PYM1: variants seen among roughly 807,000 people sequenced by gnomAD.
PYM1 encodes the protein PYM1 exon junction complex associated factor.
A neutral mutation model predicts 20.7 loss-of-function variants in PYM1; 7 were observed. The ratio of observed to expected loss-of-function variants is 0.34; its 90% CI spans 0.19 to 0.64. The LOEUF is 0.64. Ranked by LOEUF, PYM1 falls within the 30% of genes least tolerant of loss-of-function variation. The probability of loss-of-function intolerance (pLI) is 0.74; values close to 1 mark genes in which losing one functional copy is unlikely to be tolerated. For missense variants in PYM1, 194 were observed against 250.0 expected, an observed-to-expected ratio of 0.78 and a Z score of 1.51; for synonymous variants, 100 against 99.2, an observed-to-expected ratio of 1.01 and a Z score of -0.05.
intron 1 of PYM1, among the ~76,000 whole-genome samples, chr12:55,915,967 C>T (rs1285535664): frequency 6.6e-6 from 1 of 152,170 alleles, no homozygotes; most frequent in East Asian, 1.9e-4. Flanking sequence ...ACTTTGTATA[C>T]ATCATCCTGT....
At chr12:55,912,566 A>G (rs1424402494) in intron 1 of PYM1, among the ~76,000 whole-genome samples, 1 of 151,984 alleles carries the variant, frequency 6.6e-6, no homozygotes, top group African/African-American at 2.4e-5. Flanking sequence ...CCTGGGCAAC[A>G]GGAGCAAAAC....
rs911849102 is a variant in PYM1, at chr12:55,914,825, C to T, written c.38-11345G>A. 2.6e-5 allele frequency among the ~76,000 whole-genome samples: 4 copies of T among 152,044 alleles called. No individual in the cohort carries two copies. In the East Asian group the frequency reaches 7.7e-4, roughly 29 times the overall value. ...AAATAATGATCATAATCATTTCCCT[C>T]AAGGAAGAAAAGGTGACAGCAACAA... On this transcript the variant is annotated intron_variant, in intron 1 of 2. Coordinates refer to ENST00000408946, the MANE Select transcript of PYM1 (RefSeq NM_032345.3).
chr12:55,912,473 A>C (rs1882940570), intron 1 of PYM1, among the ~76,000 whole-genome samples: 1 of 152,158 alleles, frequency 6.6e-6, no homozygotes, highest in South Asian at 2.1e-4. Flanking sequence ...AATCCCAGCT[A>C]CTTGGGAGGC....
chr12:55,926,694 G>C (rs1417979537), intron 1 of PYM1, among the ~76,000 whole-genome samples: 1 of 152,142 alleles, frequency 6.6e-6, no homozygotes, highest in Non-Finnish European at 1.5e-5. Context: ...CAGAAACCAA[G>C]TATAGCTGAG....
intron 1 of PYM1, among the ~76,000 whole-genome samples, chr12:55,903,689 C>A (rs1422628621): frequency 1.3e-5 from 2 of 151,924 alleles, no homozygotes; most frequent in African/African-American, 4.8e-5. Context: ...CATCCTTGCC[C>A]TCAAGAAGAT....
intron 1 of PYM1, chr12:55,926,980 G>A: frequency 7.6e-7 from 1 of 1,314,146 alleles, no homozygotes; most frequent in Non-Finnish European, 1.0e-6. Context: ...GGGCAAAGGA[G>A]GGGCCCCGGG....
At chr12:55,923,942 G>A (rs986997168) in intron 1 of PYM1, among the ~76,000 whole-genome samples, 1 of 152,082 alleles carries the variant, frequency 6.6e-6, no homozygotes, top group South Asian at 2.1e-4. Context: ...CAAGCGTGGT[G>A]ACATGTGCCT....
At chr12:55,907,635 A>G (rs1359220562) in intron 1 of PYM1, among the ~76,000 whole-genome samples, 5 of 5,046 alleles carry the variant, frequency 9.9e-4, no homozygotes, top group Non-Finnish European at 1.3e-3. Context: ...TTCGTCTGGG[A>G]AAAAAAAAAA....
intron 1 of PYM1, among the ~76,000 whole-genome samples, chr12:55,924,904 T>C (rs1364810373): frequency 6.6e-6 from 1 of 152,212 alleles, no homozygotes; most frequent in African/African-American, 2.4e-5. Context: ...AGGCTGGTCT[T>C]GAACCCCTGA....
chr12:55,914,770 G>A lies in PYM1; in HGVS notation c.38-11290C>T, dbSNP rs953736756. Among the ~76,000 whole-genome samples the A allele has an allele frequency of 9.2e-5, 14 of 152,222 alleles. No individual in the cohort carries two copies. In the Middle Eastern group the frequency reaches 0.014, roughly 148 times the overall value. ...TCCAACACAGAGAAAATATAACAAA[G>A]AGAAGATGAGAGCTGGAGGAATGAC... On this transcript the variant is annotated intron_variant, in intron 1 of 2. Transcript: ENST00000408946.
chr12:55,914,082 T>C (rs2136263694), intron 1 of PYM1: 1 of 419,480 alleles, frequency 2.4e-6, no homozygotes, highest in East Asian at 3.4e-5. Context: ...TTCAGGCAAG[T>C]GTTTTACATG....
intron 1 of PYM1, among the ~76,000 whole-genome samples, chr12:55,906,807 C>G (rs933809949): frequency 2.0e-5 from 3 of 151,934 alleles, no homozygotes; most frequent in Non-Finnish European, 4.4e-5. Context: ...CACCACAATA[C>G]CTGGCTAATT....
At chr12:55,903,921 A>G (rs568674063) in intron 1 of PYM1, among the ~76,000 whole-genome samples, 2 of 152,264 alleles carry the variant, frequency 1.3e-5, no homozygotes, top group South Asian at 4.1e-4. Context: ...CCATAGATAC[A>G]TACACACCAG....
At chr12:55,915,294 T>G (rs972151028) in intron 1 of PYM1, among the ~76,000 whole-genome samples, 5 of 145,256 alleles carry the variant, frequency 3.4e-5, no homozygotes, top group Admixed American at 7.0e-5. Flanking sequence ...AAAGGAGAAC[T>G]GAGAAAAAGG....
chr12:55,914,362 C>T lies in PYM1; in HGVS notation c.38-10882G>A, dbSNP rs373671473. ...AAGAAGGGAGAGGTTTGGCGGTTCCCACCCCTAGAAATAAAAACCAAGGGC... is the reference window on the plus strand; with the variant it reads ...AAGAAGGGAGAGGTTTGGCGGTTCCTACCCCTAGAAATAAAAACCAAGGGC... On this transcript the variant is annotated intron_variant, in intron 1 of 2. Transcript: ENST00000408946. 1.1e-4 allele frequency: 74 copies of T among 702,172 alleles called. 1 individual carries two copies. Among genetic ancestry groups the T allele is most frequent in the East Asian group, 5.4e-4 (20 of 37,296 alleles). 43.5% of individuals were successfully genotyped at this position (702,172 alleles called of 1,614,324 possible).
At chr12:55,917,634 T>C (rs913268560) in intron 1 of PYM1, among the ~76,000 whole-genome samples, 4 of 151,956 alleles carry the variant, frequency 2.6e-5, no homozygotes, top group African/African-American at 4.8e-5. Context: ...GCAACAGACA[T>C]TGGGGATTAT....
chr12:55,927,237 C>G lies in PYM1; in HGVS notation c.37+488G>C, dbSNP rs182229490. 8.1e-6 allele frequency: 11 copies of G among 1,365,092 alleles called. No homozygotes were observed. In the East Asian group the frequency reaches 2.8e-4, roughly 34 times the overall value. The allele number at this position is 1,365,092 out of a possible 1,614,324, so 84.6% of individuals were successfully genotyped here. A position where few individuals can be genotyped will look rare whatever the true frequency, so the allele number is the denominator to read the frequency against. On this transcript the variant is annotated intron_variant, in intron 1 of 2. Transcript: ENST00000408946. ...AAGGGAGAGTGCACCATTTCATGGG[C>G]GGAGGTGGAGGAGGAGGAAGAGTGG...
At chr12:55,923,842 C>T (rs1199862575) in intron 1 of PYM1, among the ~76,000 whole-genome samples, 1 of 151,958 alleles carries the variant, frequency 6.6e-6, no homozygotes, top group Non-Finnish European at 1.5e-5. Context: ...CTTTGGGAGG[C>T]CAAGGCTGGC....
intron 1 of PYM1, among the ~76,000 whole-genome samples, chr12:55,911,667 G>A (rs1410760505): frequency 6.7e-6 from 1 of 150,354 alleles, no homozygotes; most frequent in Non-Finnish European, 1.5e-5. Flanking sequence ...ATGGTGAAAC[G>A]CTGTCTCTAG....
Sources: gnomAD v4.1 joint callset for allele counts (sites outside exome capture counted in the v4.1 genomes callset) on GRCh38, gnomAD v4.1.1 for gene constraint, MANE v1.5 for transcripts, NCBI Gene and HGNC (gene_info 2026-07-23, HGNC 2026-07-21) for gene names.